Variants in PITPNC1 observed in about 807,000 individuals in gnomAD.
The protein encoded by PITPNC1 is phosphatidylinositol transfer protein cytoplasmic 1, also known as cytoplasmic phosphatidylinositol transfer protein 1.
A neutral mutation model predicts 44.7 loss-of-function variants in PITPNC1; 18 were observed. The observed-to-expected ratio is 0.40, with a 90% confidence interval of 0.28 to 0.60. The LOEUF is 0.60. Among genes scored for constraint, PITPNC1 ranks in the 20% least tolerant of loss-of-function variants. The probability of loss-of-function intolerance (pLI) is 0.39; values close to 1 mark genes in which losing one functional copy is unlikely to be tolerated. For missense variants in PITPNC1, 290 were observed against 418.4 expected (o/e 0.69, Z 2.68); for synonymous variants, 141 against 149.6 (o/e 0.94, Z 0.42).
At chr17:67,430,317 C>T (rs763951394) in intron 1 of PITPNC1, among the ~76,000 whole-genome samples, 12 of 147,404 alleles carry the variant, frequency 8.1e-5, no homozygotes, top group Non-Finnish European at 6.0e-5. Context: ...ACCAGCCTGG[C>T]CAACGTGGTG....
intron 1 of PITPNC1, among the ~76,000 whole-genome samples, chr17:67,455,114 C>T (rs1446746898): frequency 2.6e-5 from 4 of 152,148 alleles, no homozygotes; most frequent in Non-Finnish European, 5.9e-5. Flanking sequence ...AGCCTCTGTA[C>T]CCAGCCTACA....
At chr17:67,613,682 A>G (rs1323981038) in intron 5 of PITPNC1, 2 of 151,952 alleles carry the variant, frequency 1.3e-5, no homozygotes, top group African/African-American at 2.4e-5. Context: ...AACCAGGTGT[A>G]GTGGCATGTG....
At chr17:67,585,307 A>C (rs1185194588) in intron 5 of PITPNC1, among the ~76,000 whole-genome samples, 1 of 152,202 alleles carries the variant, frequency 6.6e-6, no homozygotes, top group African/African-American at 2.4e-5. Context: ...ACACAAGTCC[A>C]CTTGAGGCTT....
chr17:67,389,958 C>T (rs373214391), intron 1 of PITPNC1, among the ~76,000 whole-genome samples: 9 of 152,064 alleles, frequency 5.9e-5, no homozygotes, highest in African/African-American at 1.4e-4. Flanking sequence ...GGATTACAGA[C>T]GCGAGCCACC....
intron 5 of PITPNC1, chr17:67,612,449 ACACCTAACGTCCTCACTTC>A (rs2041698957): frequency 6.6e-6 from 1 of 152,304 alleles, no homozygotes; most frequent in African/African-American, 2.4e-5. Flanking sequence ...ATGAGGTGGG[ACACCTAACGTCCTCACTTC>A]CAGGTGATGA....
At chr17:67,425,925 A>C (rs2038758568) in intron 1 of PITPNC1, among the ~76,000 whole-genome samples, 1 of 152,156 alleles carries the variant, frequency 6.6e-6, no homozygotes, top group African/African-American at 2.4e-5. Context: ...TTGTAGCTCA[A>C]AAGCAACCAT....
intron 1 of PITPNC1, chr17:67,408,767 T>C (rs2038444690): frequency 7.2e-6 from 1 of 138,042 alleles, no homozygotes; most frequent in South Asian, 2.3e-4. Flanking sequence ...TCTTTCCTTC[T>C]TTTTCTTTCT....
intron 3 of PITPNC1, 122 bp downstream of exon 3, chr17:67,552,467 C>CT (rs572329156): frequency 0.081 from 37,159 of 459,814 alleles, 4 homozygotes; most frequent in East Asian, 0.11. Flanking sequence ...TAGTATCCCT[C>CT]TTTTTTTTTT....
intron 1 of PITPNC1, among the ~76,000 whole-genome samples, chr17:67,464,939 A>G (rs919546429): frequency 1.3e-5 from 2 of 152,148 alleles, no homozygotes; most frequent in African/African-American, 2.4e-5. Flanking sequence ...GGGTTTCACT[A>G]TGTTGGCCAG....
At position 67,676,928 on chromosome 17, in the gene PITPNC1, T is replaced by C. The variant is rs190362813; in HGVS notation, c.682+1386T>C. Among the ~76,000 whole-genome samples, 1 of 152,150 alleles carries C rather than the reference T, an allele frequency of 6.6e-6. No homozygotes were observed. Among genetic ancestry groups the C allele is most frequent in the Non-Finnish European group, 1.5e-5 (1 of 68,006 alleles). On this transcript the variant is annotated intron_variant, in intron 8 of 8. Transcript: ENST00000581322. This position sits in a 1 kb window ranked among gnomAD's most constrained non-coding sequence, Gnocchi z 4.0. ...TTGTCCAAATGCAGATCATTTATGC[T>C]CTCTTATCACACACCCACAGAATGC...
intron 1 of PITPNC1, among the ~76,000 whole-genome samples, chr17:67,403,474 T>C (rs933647687): frequency 6.6e-6 from 1 of 152,218 alleles, no homozygotes; most frequent in Admixed American, 6.5e-5. Flanking sequence ...TGTATAAACA[T>C]TTAATCATAA....
In PITPNC1 at chr17:67,396,918, G is replaced by A. The variant is rs1403564774; in HGVS notation, c.48+18716G>A. On this transcript the variant is annotated intron_variant, in intron 1 of 8. Transcript: ENST00000581322. ...AATCCTCCTGCCTCATCCTCCCAAA[G>A]TGCTGGGATTACAGGTATAAGCCAT... Among the ~76,000 whole-genome samples the A allele has an allele frequency of 3.9e-5, 6 of 152,048 alleles. No individual in the cohort carries two copies. In the South Asian group the frequency reaches 6.2e-4, roughly 16 times the overall value.
intron 1 of PITPNC1, among the ~76,000 whole-genome samples, chr17:67,436,907 T>A (rs1199148187): frequency 7.8e-6 from 1 of 127,570 alleles, no homozygotes; most frequent in South Asian, 2.6e-4. Flanking sequence ...AAAATAGGGG[T>A]GTTTTTTTTT....
chr17:67,444,388 TGTG>T (rs1198192643), intron 1 of PITPNC1, among the ~76,000 whole-genome samples: 1 of 151,976 alleles, frequency 6.6e-6, no homozygotes, highest in Non-Finnish European at 1.5e-5. Flanking sequence ...GTGTCCAACA[TGTG>T]GTGAGCAGAT....
chr17:67,472,172 G>A (rs931767604), intron 1 of PITPNC1, among the ~76,000 whole-genome samples: 3 of 151,692 alleles, frequency 2.0e-5, no homozygotes, highest in Non-Finnish European at 2.9e-5. Context: ...CTTGGTTAAG[G>A]CGTTGTCTAC....
At chr17:67,529,983 A>C (rs1039640533) in intron 1 of PITPNC1, among the ~76,000 whole-genome samples, 1 of 151,928 alleles carries the variant, frequency 6.6e-6, no homozygotes, top group Non-Finnish European at 1.5e-5. Context: ...ACTGTCTCAC[A>C]ATTCTGGAGG....
chr17:67,425,215 A>G (rs370221484), intron 1 of PITPNC1, among the ~76,000 whole-genome samples: 7,190 of 49,130 alleles, frequency 0.15, 692 homozygotes, highest in African/African-American at 0.18. Flanking sequence ...ACACACACAC[A>G]CACACACACA....
chr17:67,611,067 A>G (rs966854676), intron 5 of PITPNC1, among the ~76,000 whole-genome samples: 1 of 152,374 alleles, frequency 6.6e-6, no homozygotes, highest in South Asian at 2.1e-4. Context: ...TTAAAATTCA[A>G]CATACCTGGT....
At chr17:67,564,047 TGATTA>T (rs1178297543) in intron 4 of PITPNC1, among the ~76,000 whole-genome samples, 1 of 152,040 alleles carries the variant, frequency 6.6e-6, no homozygotes, top group Non-Finnish European at 1.5e-5. Flanking sequence ...ATAGATAGAT[TGATTA>T]GATAGGTAGA....
Sources: allele counts gnomAD v4.1 joint callset (sites outside exome capture counted in the v4.1 genomes callset), GRCh38; gene constraint gnomAD v4.1.1; non-coding constraint Gnocchi (gnomAD v3.1); transcripts MANE v1.5; gene names NCBI Gene and HGNC (gene_info 2026-07-23, HGNC 2026-07-21).